Variants in ARHGEF11 observed in about 807,000 individuals in gnomAD.
The protein encoded by ARHGEF11 is Rho guanine nucleotide exchange factor 11, also known as Rho guanine exchange factor (GEF) 11.
A neutral mutation model predicts 193.7 loss-of-function variants in ARHGEF11; 55 were observed. That is an observed-to-expected ratio of 0.28 (90% confidence interval 0.23 to 0.36). The LOEUF is 0.36. Ranked by LOEUF, ARHGEF11 falls within the 10% of genes least tolerant of loss-of-function variation. The probability of loss-of-function intolerance (pLI) is 1.00; values close to 1 mark genes in which losing one functional copy is unlikely to be tolerated. For synonymous variants in ARHGEF11, 693 were observed against 768.0 expected (o/e 0.90, Z 1.62); for missense variants, 1,723 against 2,005.6 (o/e 0.86, Z 2.69).
Position 157,021,968 on chromosome 1 carries a change from T to TA in ARHGEF11, c.32+22330dup, listed in dbSNP as rs1393504748. On this transcript the variant is annotated intron_variant, in intron 1 of 40. Coordinates refer to ENST00000368194, the MANE Select transcript of ARHGEF11 (RefSeq NM_198236.3). The stretch of plus-strand genomic sequence containing the variant: ...AAAACCATGATCATCTCAATAGATG[T>TA]AAAAAGAGCGTCTGACAAAATCCAA... Among the ~76,000 whole-genome samples, 35 of 152,296 alleles carry TA rather than the reference T, an allele frequency of 2.3e-4. No homozygotes were observed. In the Middle Eastern group the frequency reaches 0.01, roughly 44 times the overall value.
chr1:156,944,424 G>A lies in ARHGEF11; in HGVS notation c.3001C>T (p.Leu1001Phe), dbSNP rs1657702361. 6.2e-7 allele frequency: 1 copy of A among 1,612,100 alleles called. No homozygotes were observed. Among genetic ancestry groups the A allele is most frequent in the Non-Finnish European group, 8.5e-7 (1 of 1,179,830 alleles). The change falls in exon 31 of 41, where the codon CTT becomes TTT. Residue 1001 changes from leucine (L) to phenylalanine (F), a missense_variant. Leu to Phe is a conservative substitution (Grantham distance 22). Around this residue, in one of 5 missense-constraint regions of ARHGEF11, gnomAD observed 491 missense variants for 654.5 expected, o/e 0.75. Coordinates refer to ENST00000368194, the MANE Select transcript of ARHGEF11 (RefSeq NM_198236.3). The part of the protein sequence containing the change: ...PLAAEFKSLD[L>F]TTRKMIHEGP... ...TCATGGATCATTTTTCTGGTTGTAA[G>A]ATCCAGGCTCTGTTAAGGAGACACC... is the stretch of plus-strand genomic sequence containing the variant.
chr1:156,961,182 G>A (rs1043989787), intron 14 of ARHGEF11, among the ~76,000 whole-genome samples: 3 of 152,192 alleles, frequency 2.0e-5, no homozygotes, highest in Admixed American at 6.5e-5. Flanking sequence ...GACATACCCC[G>A]GGAACTCTGT....
chr1:157,020,099 G>A (rs1236489913), intron 1 of ARHGEF11, among the ~76,000 whole-genome samples: 1 of 151,162 alleles, frequency 6.6e-6, no homozygotes, highest in African/African-American at 2.4e-5. Context: ...ACTCCAGCCT[G>A]GGCGACAGTG....
In ARHGEF11 at chr1:156,935,116, CCT is replaced by C. The variant is rs1206310604; in HGVS notation, c.*882_*883del. The C allele has an allele frequency of 5.2e-5, 8 of 152,458 alleles. No homozygotes were observed. Among genetic ancestry groups the C allele is most frequent in the South Asian group, 2.1e-4 (1 of 4,828 alleles). 9.4% of individuals were successfully genotyped at this position (152,458 alleles called of 1,614,324 possible). On this transcript the variant is annotated 3_prime_UTR_variant, in exon 41 of 41. Coordinates refer to ENST00000368194, the MANE Select transcript of ARHGEF11 (RefSeq NM_198236.3). ...AATTCAGGGACTCGGCATTCAGACCCCTGTCCCCACCTCCTGGGGCCCAGTCC... is the reference window on the plus strand; with the variant it reads ...AATTCAGGGACTCGGCATTCAGACCCGTCCCCACCTCCTGGGGCCCAGTCC...
rs986222044 is a variant in ARHGEF11 at position 156,958,970 on chromosome 1, T to A, written c.1379+76A>T. 5.0e-6 allele frequency: 8 copies of A among 1,609,476 alleles called. No individual in the cohort carries two copies. In the African/African-American group the frequency reaches 8.0e-5, roughly 16 times the overall value. ...ACATATAACAAGAGATATGTGCACGTCCCAGAGGGAAGGAGCCAGGGCCAA... is the reference window on the plus strand; with the variant it reads ...ACATATAACAAGAGATATGTGCACGACCCAGAGGGAAGGAGCCAGGGCCAA... On this transcript the variant is annotated intron_variant, in intron 16 of 40. Coordinates refer to ENST00000368194, the MANE Select transcript of ARHGEF11 (RefSeq NM_198236.3).
Position 156,948,631 on chromosome 1 carries a change from A to G in ARHGEF11, c.1926-133T>C. ...CAGGTTCTCCTCCTGAACATGGCCAAAGCAGCTGGATGGCAGTGGAAGCTT... is the reference window on the plus strand; with the variant it reads ...CAGGTTCTCCTCCTGAACATGGCCAGAGCAGCTGGATGGCAGTGGAAGCTT... On this transcript the variant is annotated intron_variant, in intron 22 of 40. Coordinates refer to ENST00000368194, the MANE Select transcript of ARHGEF11 (RefSeq NM_198236.3). This position sits in a 1 kb window ranked among gnomAD's most constrained non-coding sequence, Gnocchi z 4.2. 4 of 1,579,700 alleles carry G rather than the reference A, an allele frequency of 2.5e-6. No homozygotes were observed. Among genetic ancestry groups the G allele is most frequent in the Non-Finnish European group, 3.4e-6 (4 of 1,166,582 alleles).
intron 3 of ARHGEF11, among the ~76,000 whole-genome samples, chr1:156,980,990 T>C (rs900801554): frequency 3.7e-4 from 57 of 152,264 alleles, no homozygotes; most frequent in African/African-American, 1.4e-3. Context: ...ACAACTGTTT[T>C]CTTTCTTTTA....
chr1:156,992,373 C>T (rs1159261038), intron 1 of ARHGEF11, among the ~76,000 whole-genome samples: 2 of 151,770 alleles, frequency 1.3e-5, no homozygotes, highest in South Asian at 2.1e-4. Context: ...TGGCCTGGTG[C>T]GTCAGTCCTG....
At chr1:156,969,933 G>A in intron 9 of ARHGEF11, 65 bp downstream of exon 9, 2 of 1,532,260 alleles carry the variant, frequency 1.3e-6, no homozygotes, top group Non-Finnish European at 1.8e-6. Context: ...CCATGGGGAG[G>A]GTAAACAGGT....
chr1:157,029,184 A>G (rs1347134296), intron 1 of ARHGEF11, among the ~76,000 whole-genome samples: 6 of 151,944 alleles, frequency 3.9e-5, no homozygotes, highest in African/African-American at 9.6e-5. Context: ...AAAAAAAAAA[A>G]AAAGAAAGAT....
At chr1:156,955,324 C>T (rs1659785744) in intron 20 of ARHGEF11, among the ~76,000 whole-genome samples, 1 of 152,184 alleles carries the variant, frequency 6.6e-6, no homozygotes, top group Admixed American at 6.5e-5. Flanking sequence ...CCATCCCCCG[C>T]CCGCATCTAT....
chr1:156,938,030 G>C (rs1655879267), intron 38 of ARHGEF11, among the ~76,000 whole-genome samples: 1 of 152,210 alleles, frequency 6.6e-6, no homozygotes, highest in South Asian at 2.1e-4. Context: ...AACCACCGCG[G>C]AATCTGGGAG....
chr1:156,975,674 T>G (rs1312492285), intron 7 of ARHGEF11, among the ~76,000 whole-genome samples: 1 of 152,216 alleles, frequency 6.6e-6, no homozygotes, highest in Non-Finnish European at 1.5e-5. Flanking sequence ...TCTAGGAGTT[T>G]TACAGTTTTT....
chr1:156,989,598 G>T (rs1334167694), intron 1 of ARHGEF11, among the ~76,000 whole-genome samples: 1 of 152,092 alleles, frequency 6.6e-6, no homozygotes, highest in Non-Finnish European at 1.5e-5. Flanking sequence ...TGGATCCTAA[G>T]CGATGCTATA....
chr1:156,946,849 C>A (rs1288187960), intron 27 of ARHGEF11, 62 bp from the exon 28 acceptor site: 2 of 1,536,884 alleles, frequency 1.3e-6, no homozygotes, highest in Non-Finnish European at 1.7e-6. Context: ...CAGACCCCTG[C>A]CTTTGCCAAA....
upstream of ARHGEF11, among the ~76,000 whole-genome samples, chr1:157,045,743 G>A (rs1571650838): frequency 6.7e-6 from 1 of 150,210 alleles, no homozygotes; most frequent in East Asian, 2.0e-4. Context: ...GCGTCCGACT[G>A]CCGGCGTCGC....
At chr1:156,967,474 G>A (rs1358447730) in intron 11 of ARHGEF11, among the ~76,000 whole-genome samples, 3 of 152,122 alleles carry the variant, frequency 2.0e-5, no homozygotes, top group Non-Finnish European at 4.4e-5. Flanking sequence ...TTGAGAGCAG[G>A]GCCTTTCAAA....
At chr1:156,936,211 T>G (rs1655075953) in intron 40 of ARHGEF11, 153 bp from the exon 41 acceptor site, 1 of 844,380 alleles carries the variant, frequency 1.2e-6, no homozygotes, top group East Asian at 2.4e-5. Context: ...TGAAAAGGGC[T>G]GTCTACTGAA....
intron 34 of ARHGEF11, among the ~76,000 whole-genome samples, 182 bp from the exon 35 acceptor site, chr1:156,941,615 C>T (rs139161616): frequency 7.5e-4 from 114 of 152,336 alleles, no homozygotes; most frequent in African/African-American, 2.6e-3. Context: ...CCTTGCTCTA[C>T]ATCCCCCTCA....
Sources: gnomAD v4.1 joint callset for allele counts (sites outside exome capture counted in the v4.1 genomes callset) on GRCh38, gnomAD v4.1.1 for gene constraint, gnomAD v4.1.1 regional missense constraint, Gnocchi (gnomAD v3.1) non-coding constraint, MANE v1.5 for transcripts, NCBI Gene and HGNC (gene_info 2026-07-23, HGNC 2026-07-21) for gene names.